Variants in HPCAL1 observed in about 807,000 individuals in gnomAD.
HPCAL1 encodes the protein hippocalcin like 1, also known as hippocalcin-like protein 1.
A neutral mutation model predicts 17.1 loss-of-function variants in HPCAL1; 8 were observed. The observed-to-expected ratio is 0.47, with a 90% confidence interval of 0.27 to 0.84. The LOEUF is 0.84. HPCAL1 is among the 40% of genes least tolerant of loss of function. HPCAL1 has a pLI of 0.13. For missense variants in HPCAL1, 165 were observed against 271.1 expected, an observed-to-expected ratio of 0.61 and a Z score of 2.75; for synonymous variants, 112 against 111.4, an observed-to-expected ratio of 1.01 and a Z score of -0.03.
intron 1 of HPCAL1, among the ~76,000 whole-genome samples, chr2:10,339,868 C>T (rs764039838): frequency 9.9e-5 from 15 of 152,178 alleles, no homozygotes; most frequent in Non-Finnish European, 1.9e-4. Flanking sequence ...GGTTCCTGTG[C>T]GTTGAGGCCT....
At chr2:10,378,863 C>T (rs892036409) in intron 1 of HPCAL1, among the ~76,000 whole-genome samples, 2 of 152,150 alleles carry the variant, frequency 1.3e-5, no homozygotes, top group Non-Finnish European at 2.9e-5. Context: ...AATGCATAAT[C>T]CTACAATTCA....
At position 10,377,606 on chromosome 2, in the gene HPCAL1, C is replaced by T. The variant is rs1005610659; in HGVS notation, c.-110-19229C>T. 2.0e-5 allele frequency among the ~76,000 whole-genome samples: 3 copies of T among 152,120 alleles called. No individual in the cohort carries two copies. The highest frequency in any genetic ancestry group is 6.5e-5 in the Admixed American group (1 of 15,282). On this transcript the variant is annotated intron_variant, in intron 1 of 4. Coordinates refer to ENST00000307845, the MANE Select transcript of HPCAL1 (RefSeq NM_002149.4). The surrounding 1 kb of genome is among the most constrained non-coding windows in gnomAD (Gnocchi z 5.9). Reference sequence around the variant, plus strand: ...CCCCCTGCCAGCTCTCGGCAGCCCCCTCCTCCCCCTGGCTCCCGTGTCCTG... The same window carrying T: ...CCCCCTGCCAGCTCTCGGCAGCCCCTTCCTCCCCCTGGCTCCCGTGTCCTG...
At chr2:10,353,310 A>G (rs563057596) in intron 1 of HPCAL1, among the ~76,000 whole-genome samples, 10 of 152,332 alleles carry the variant, frequency 6.6e-5, no homozygotes, top group Middle Eastern at 3.4e-3. Context: ...AACACCTGCA[A>G]CAACAAGAAC....
intron 1 of HPCAL1, among the ~76,000 whole-genome samples, chr2:10,327,896 G>T (rs954740186): frequency 1.3e-5 from 2 of 152,180 alleles, no homozygotes; most frequent in Non-Finnish European, 1.5e-5. Context: ...GTGATTTATG[G>T]TTAGCCCCGG....
intron 1 of HPCAL1, among the ~76,000 whole-genome samples, chr2:10,307,117 C>T (rs1417535020): frequency 2.0e-5 from 3 of 150,818 alleles, no homozygotes; most frequent in Non-Finnish European, 4.4e-5. Context: ...CCACCTGTGG[C>T]ATGAGACAAG....
chr2:10,396,813 A>C (rs994155772), intron 1 of HPCAL1, 22 bp from the exon 2 acceptor site: 43 of 152,348 alleles, frequency 2.8e-4, no homozygotes, highest in African/African-American at 9.1e-4. Flanking sequence ...AGCCTGCGTG[A>C]CCTGTCGCTC....
At chr2:10,349,411 T>A (rs539904192) in intron 1 of HPCAL1, among the ~76,000 whole-genome samples, 1 of 152,052 alleles carries the variant, frequency 6.6e-6, no homozygotes, top group African/African-American at 2.4e-5. Flanking sequence ...GAGGGGATCA[T>A]AAAAATGATA....
At chr2:10,309,819 G>T (rs893975601) in intron 1 of HPCAL1, among the ~76,000 whole-genome samples, 7 of 152,156 alleles carry the variant, frequency 4.6e-5, no homozygotes, top group Non-Finnish European at 8.8e-5. Flanking sequence ...TTTGACAGAT[G>T]CACAAACCAA....
chr2:10,378,535 G>T (rs1398206394), intron 1 of HPCAL1, among the ~76,000 whole-genome samples: 1 of 152,066 alleles, frequency 6.6e-6, no homozygotes, highest in Non-Finnish European at 1.5e-5. Context: ...TTTTTTCTCT[G>T]TGTCCTCCTG....
At chr2:10,378,831 T>C (rs1346367634) in intron 1 of HPCAL1, among the ~76,000 whole-genome samples, 3 of 152,120 alleles carry the variant, frequency 2.0e-5, no homozygotes, top group Non-Finnish European at 4.4e-5. Context: ...GTAGAAAATG[T>C]GGAAAATACA....
chr2:10,304,130 C>T lies in HPCAL1; in HGVS notation c.-111+953C>T, dbSNP rs1662458673. Among the ~76,000 whole-genome samples, 1 of 152,198 alleles carries T rather than the reference C, an allele frequency of 6.6e-6. No individual in the cohort carries two copies. Among genetic ancestry groups the T allele is most frequent in the Non-Finnish European group, 1.5e-5 (1 of 68,028 alleles). On this transcript the variant is annotated intron_variant, in intron 1 of 4. Coordinates refer to ENST00000307845, the MANE Select transcript of HPCAL1 (RefSeq NM_002149.4). This position sits in a 1 kb window ranked among gnomAD's most constrained non-coding sequence, Gnocchi z 4.1. ...CTGCGCTGCCTCCTGCAGCACCTCC[C>T]GGGCGGCGCCGCCTCCGCGAGTGCC...
chr2:10,322,311 C>G (rs1220685427), intron 1 of HPCAL1, among the ~76,000 whole-genome samples: 1 of 152,216 alleles, frequency 6.6e-6, no homozygotes, highest in African/African-American at 2.4e-5. Context: ...GCATGAACCA[C>G]TGCACCCAGC....
chr2:10,392,110 A>T (rs977548345), intron 1 of HPCAL1, among the ~76,000 whole-genome samples: 1 of 151,594 alleles, frequency 6.6e-6, no homozygotes, highest in Non-Finnish European at 1.5e-5. Flanking sequence ...TGGCATGACC[A>T]TAGCTCACTG....
At chr2:10,307,873 C>T (rs910567410) in intron 1 of HPCAL1, among the ~76,000 whole-genome samples, 29 of 152,222 alleles carry the variant, frequency 1.9e-4, no homozygotes, top group Non-Finnish European at 4.1e-4. Context: ...CATCATCCCA[C>T]TGTCTTCTGC....
At chr2:10,413,050 T>A (rs1475525116) in intron 2 of HPCAL1, among the ~76,000 whole-genome samples, 1 of 152,248 alleles carries the variant, frequency 6.6e-6, no homozygotes, top group Non-Finnish European at 1.5e-5. Context: ...AACCTTAGGA[T>A]GAGCAGGTCT....
chr2:10,305,342 C>G (rs901109656), intron 1 of HPCAL1, among the ~76,000 whole-genome samples: 2 of 152,176 alleles, frequency 1.3e-5, no homozygotes, highest in African/African-American at 4.8e-5. Flanking sequence ...TTGTCTCAAG[C>G]AAGCCAGTGT....
At chr2:10,416,831 T>C (rs1278504732) in intron 2 of HPCAL1, among the ~76,000 whole-genome samples, 1 of 152,076 alleles carries the variant, frequency 6.6e-6, no homozygotes, top group East Asian at 1.9e-4. Context: ...CTGGCAGGCG[T>C]CATCCCCAAG....
intron 1 of HPCAL1, among the ~76,000 whole-genome samples, chr2:10,366,592 G>A (rs765389253): frequency 2.0e-5 from 3 of 152,186 alleles, no homozygotes; most frequent in Non-Finnish European, 4.4e-5. Context: ...ACAGACAGAT[G>A]TTCCAAGAGC....
chr2:10,352,016 C>G (rs1193972637), intron 1 of HPCAL1, among the ~76,000 whole-genome samples: 1 of 151,460 alleles, frequency 6.6e-6, no homozygotes, highest in Non-Finnish European at 1.5e-5. Context: ...GATTCTCATG[C>G]CTCAACCTCC....
Sources: allele counts gnomAD v4.1 joint callset (sites outside exome capture counted in the v4.1 genomes callset), GRCh38; gene constraint gnomAD v4.1.1; non-coding constraint Gnocchi (gnomAD v3.1); transcripts MANE v1.5; gene names NCBI Gene and HGNC (gene_info 2026-07-23, HGNC 2026-07-21).